Variants in TMED3 observed in about 807,000 individuals in gnomAD.
The protein encoded by TMED3 is transmembrane p24 trafficking protein 3.
Under a neutral mutation model 15.0 loss-of-function variants are expected in TMED3, and 9 were observed. The ratio of observed to expected loss-of-function variants is 0.60; its 90% CI spans 0.36 to 1.04. The LOEUF (loss-of-function observed/expected upper bound fraction) is 1.04. Among genes scored for constraint, TMED3 ranks in the 50% least tolerant of loss-of-function variants. TMED3 has a pLI of 0.01. For synonymous variants in TMED3, 117 were observed against 121.4 expected (o/e 0.96, Z 0.24); for missense variants, 267 against 278.9 (o/e 0.96, Z 0.30).
chr15:79,394,326 C>T (rs58545892), intron 2 of TMED3, among the ~76,000 whole-genome samples: 5,616 of 152,254 alleles, frequency 0.037, 330 homozygotes, highest in African/African-American at 0.12. Context: ...CTTTGCAGAA[C>T]GCCCACCATT....
At chr15:79,394,004 A>G (rs952022263) in intron 2 of TMED3, among the ~76,000 whole-genome samples, 4 of 152,108 alleles carry the variant, frequency 2.6e-5, no homozygotes, top group African/African-American at 9.7e-5. Context: ...GCCCATTTAG[A>G]CATTTCATAT....
At chr15:79,351,376 C>T (rs1274445367) in intron 2 of TMED3, among the ~76,000 whole-genome samples, 1 of 152,158 alleles carries the variant, frequency 6.6e-6, no homozygotes, top group East Asian at 1.9e-4. Flanking sequence ...TACACAAATC[C>T]ATTACATGAT....
intron 2 of TMED3, among the ~76,000 whole-genome samples, chr15:79,333,653 G>C (rs1169599306): frequency 1.3e-5 from 2 of 152,172 alleles, no homozygotes; most frequent in Non-Finnish European, 2.9e-5. Flanking sequence ...AACTTGATAA[G>C]ACTTTCACAT....
At chr15:79,324,027 G>C (rs1165935289), downstream of TMED3, among the ~76,000 whole-genome samples, 1 of 152,138 alleles carries the variant, frequency 6.6e-6, no homozygotes, top group Admixed American at 6.5e-5. Context: ...GTCTCACTCT[G>C]TCGCCCAGGC....
At chr15:79,352,131 G>T (rs2141234349) in intron 2 of TMED3, among the ~76,000 whole-genome samples, 1 of 152,198 alleles carries the variant, frequency 6.6e-6, no homozygotes, top group South Asian at 2.1e-4. Context: ...CACTGCACGG[G>T]TGATGGGTGC....
chr15:79,385,985 A>G (rs1282041528), intron 2 of TMED3, among the ~76,000 whole-genome samples: 3 of 152,234 alleles, frequency 2.0e-5, no homozygotes, highest in Non-Finnish European at 4.4e-5. Context: ...TTTAACCCCC[A>G]TGTTCTACAA....
rs1169534994 is a variant in TMED3 at position 79,387,278 on chromosome 15, ATTAT to A, written c.418-24119_418-24116del. Among the ~76,000 whole-genome samples the A allele has an allele frequency of 2.6e-5, 4 of 152,222 alleles. No homozygotes were observed. The East Asian group carries it at 7.7e-4, about 29-fold the overall frequency. On this transcript the variant is annotated intron_variant, in intron 2 of 2. Transcript: ENST00000424155. ...TTTGATTTTTCCATATGACTACCCAATTATTTCAGTTTCTTATTGAAAAGATTAT... is the reference window on the plus strand; with the variant it reads ...TTTGATTTTTCCATATGACTACCCAATTCAGTTTCTTATTGAAAAGATTAT...
At chr15:79,366,675 A>G (rs930991088) in intron 2 of TMED3, among the ~76,000 whole-genome samples, 1 of 152,196 alleles carries the variant, frequency 6.6e-6, no homozygotes, top group African/African-American at 2.4e-5. Context: ...CATTATCCAC[A>G]TCTTTGGAAA....
At chr15:79,355,454 A>C (rs1005197881) in intron 2 of TMED3, among the ~76,000 whole-genome samples, 6 of 152,282 alleles carry the variant, frequency 3.9e-5, no homozygotes, top group Non-Finnish European at 5.9e-5. Context: ...GCTCACCCAA[A>C]GGAGTGACTC....
chr15:79,353,192 T>A (rs111217994), intron 2 of TMED3, among the ~76,000 whole-genome samples: 1 of 87,024 alleles, frequency 1.1e-5, no homozygotes, highest in Non-Finnish European at 2.0e-5. Flanking sequence ...AAAATATATA[T>A]AATATATAAA....
intron 2 of TMED3, among the ~76,000 whole-genome samples, chr15:79,358,943 G>A (rs1893070820): frequency 6.6e-6 from 1 of 152,122 alleles, no homozygotes; most frequent in Admixed American, 6.6e-5. Flanking sequence ...ACTAAGAAAG[G>A]GAGTGGGGAT....
At chr15:79,387,246 A>G (rs1303153036) in intron 2 of TMED3, among the ~76,000 whole-genome samples, 1 of 152,160 alleles carries the variant, frequency 6.6e-6, no homozygotes, top group African/African-American at 2.4e-5. Context: ...GTAAGGGTCC[A>G]ATTTTATTTG....
At chr15:79,353,767 A>G (rs1420115016) in intron 2 of TMED3, among the ~76,000 whole-genome samples, 1 of 152,078 alleles carries the variant, frequency 6.6e-6, no homozygotes, top group Non-Finnish European at 1.5e-5. Flanking sequence ...TGTTATTAAA[A>G]AAAACCTTAA....
chr15:79,349,543 T>C (rs907056146), intron 2 of TMED3, among the ~76,000 whole-genome samples: 2 of 152,272 alleles, frequency 1.3e-5, no homozygotes. Flanking sequence ...AATTTAATTA[T>C]CCTATTCGTC....
rs572347005 is a variant in TMED3, at chr15:79,330,835, A to C, written c.417+16830A>C. ...GCATGGTACTGGCATAAAAACAGAC[A>C]CATAGATCAAGAGAACAGAATAGAA... is the stretch of plus-strand genomic sequence containing the variant. On this transcript the variant is annotated intron_variant, in intron 2 of 2. Transcript: ENST00000424155. 5.3e-5 allele frequency among the ~76,000 whole-genome samples: 8 copies of C among 152,366 alleles called. No individual in the cohort carries two copies. The South Asian group carries it at 8.3e-4, about 16-fold the overall frequency.
At chr15:79,347,326 C>A (rs1220475738) in intron 2 of TMED3, among the ~76,000 whole-genome samples, 4 of 152,256 alleles carry the variant, frequency 2.6e-5, no homozygotes, top group African/African-American at 9.6e-5. Context: ...CAATAAAATT[C>A]AACACTGCTT....
intron 2 of TMED3, among the ~76,000 whole-genome samples, chr15:79,371,445 T>G (rs1265828936): frequency 2.0e-5 from 3 of 152,136 alleles, no homozygotes; most frequent in Non-Finnish European, 4.4e-5. Flanking sequence ...AAAAACCAAT[T>G]CACTGAAAAC....
chr15:79,333,867 A>G (rs1486207961), intron 2 of TMED3, among the ~76,000 whole-genome samples: 1 of 152,166 alleles, frequency 6.6e-6, no homozygotes, highest in Non-Finnish European at 1.5e-5. Flanking sequence ...ACTCAGGTAG[A>G]TTCTCCTTCA....
At chr15:79,411,348 C>T in intron 2 of TMED3, 1 of 698,778 alleles carries the variant, frequency 1.4e-6, no homozygotes, top group South Asian at 1.5e-5. Context: ...CTGGGCAGTT[C>T]ATGGTTCCAC....
Sources: gnomAD v4.1 joint callset for allele counts (sites outside exome capture counted in the v4.1 genomes callset) on GRCh38, gnomAD v4.1.1 for gene constraint, MANE v1.5 for transcripts, NCBI Gene and HGNC (gene_info 2026-07-23, HGNC 2026-07-21) for gene names.